Variants in EPHA6 observed in about 807,000 individuals in gnomAD.
EPHA6 encodes ephrin type-A receptor 6.
In EPHA6, 50 loss-of-function variants were observed where a neutral mutation model predicts 112.0. The ratio of observed to expected loss-of-function variants is 0.45; its 90% CI spans 0.36 to 0.56. EPHA6 has a LOEUF of 0.56. Ranked by LOEUF, EPHA6 falls within the 20% of genes least tolerant of loss-of-function variation. The pLI, the probability that EPHA6 is intolerant of heterozygous loss-of-function variation, is 0.00. For missense variants in EPHA6, 1,280 were observed against 1,417.4 expected, an observed-to-expected ratio of 0.90 and a Z score of 1.56; for synonymous variants, 529 against 490.7, an observed-to-expected ratio of 1.08 and a Z score of -1.03.
intron 11 of EPHA6, among the ~76,000 whole-genome samples, chr3:97,568,621 C>T (rs2093298127): frequency 6.6e-6 from 1 of 152,176 alleles, no homozygotes; most frequent in South Asian, 2.1e-4. Flanking sequence ...AAACTATTGC[C>T]CTTTTTAGGT....
chr3:97,311,518 A>T (rs2081561966), intron 5 of EPHA6, among the ~76,000 whole-genome samples: 1 of 151,536 alleles, frequency 6.6e-6, no homozygotes, highest in Non-Finnish European at 1.5e-5. Flanking sequence ...TTGTATGCAG[A>T]TATCAAGTTG....
intron 10 of EPHA6, 72 bp downstream of exon 10, chr3:97,484,131 T>C: frequency 1.4e-6 from 2 of 1,388,832 alleles, no homozygotes; most frequent in Non-Finnish European, 1.9e-6. Flanking sequence ...CAACATACTA[T>C]CTTAAATCTT....
intron 2 of EPHA6, among the ~76,000 whole-genome samples, chr3:96,945,816 G>C (rs1265822856): frequency 1.3e-5 from 2 of 152,032 alleles, no homozygotes; most frequent in East Asian, 3.9e-4. Flanking sequence ...TGTTACAGTC[G>C]ATGAGCCTAC....
chr3:97,483,975 T>C lies in EPHA6; in HGVS notation c.2116T>C (p.Tyr706His), dbSNP rs1160751918. ...GIKTYIDPDTYEDPSLAVHEF... is the reference protein window; with the variant it reads ...GIKTYIDPDTHEDPSLAVHEF... ...TAAAACTTACATTGATCCAGATACA[T>C]ATGAAGACCCATCCCTAGCAGTCCA... is the stretch of plus-strand genomic sequence containing the variant. Residue 706 changes from tyrosine (Y) to histidine (H), a missense_variant, in exon 10 of 18, where the codon TAT (tyrosine) becomes CAT (histidine). Physicochemically the swap from Tyr to His is moderately conservative, Grantham distance 83. Transcript: ENST00000389672. The C allele has an allele frequency of 6.2e-7, 1 of 1,609,328 alleles. No homozygotes were observed. Among genetic ancestry groups the C allele is most frequent in the African/African-American group, 1.3e-5 (1 of 74,910 alleles).
chr3:97,670,150 C>T (rs2030657226), intron 14 of EPHA6, among the ~76,000 whole-genome samples: 1 of 152,144 alleles, frequency 6.6e-6, no homozygotes, highest in Non-Finnish European at 1.5e-5. Flanking sequence ...TGACCTGACC[C>T]ATTTGCTGGG....
At chr3:97,199,119 C>G (rs927511365) in intron 3 of EPHA6, among the ~76,000 whole-genome samples, 2 of 152,128 alleles carry the variant, frequency 1.3e-5, no homozygotes, top group East Asian at 3.9e-4. Context: ...GGAGACTTCT[C>G]CTAGCTTCTT....
At chr3:97,400,786 A>G (rs1425233451) in intron 5 of EPHA6, among the ~76,000 whole-genome samples, 1 of 151,564 alleles carries the variant, frequency 6.6e-6, no homozygotes, top group Non-Finnish European at 1.5e-5. Context: ...GCTTTTCTGA[A>G]TTTGTTTATT....
At chr3:97,559,312 G>C (rs1386114538) in intron 11 of EPHA6, among the ~76,000 whole-genome samples, 1 of 152,006 alleles carries the variant, frequency 6.6e-6, no homozygotes, top group Non-Finnish European at 1.5e-5. Context: ...ATATGAATTG[G>C]CATTGATAAT....
chr3:97,443,409 T>C (rs1188420545), intron 6 of EPHA6, among the ~76,000 whole-genome samples: 2 of 145,604 alleles, frequency 1.4e-5, no homozygotes, highest in East Asian at 4.0e-4. Flanking sequence ...TACATATTAA[T>C]AGCACTTGGA....
chr3:97,308,084 T>C (rs2081395581), intron 5 of EPHA6, among the ~76,000 whole-genome samples: 1 of 151,716 alleles, frequency 6.6e-6, no homozygotes, highest in Non-Finnish European at 1.5e-5. Context: ...TATTCATTAA[T>C]GCTTCCAAAA....
chr3:96,863,419 T>G (rs1182108160), intron 1 of EPHA6, among the ~76,000 whole-genome samples: 1 of 151,978 alleles, frequency 6.6e-6, no homozygotes, highest in East Asian at 1.9e-4. Flanking sequence ...ATGATAAAAT[T>G]AAAATATTTA....
chr3:97,050,853 A>G (rs2045663400), intron 3 of EPHA6, among the ~76,000 whole-genome samples: 1 of 152,220 alleles, frequency 6.6e-6, no homozygotes, highest in South Asian at 2.1e-4. Context: ...ATAAAATTCT[A>G]TATTTCAGGC....
At chr3:97,417,603 T>G (rs904022603) in intron 6 of EPHA6, among the ~76,000 whole-genome samples, 1 of 151,946 alleles carries the variant, frequency 6.6e-6, no homozygotes, top group African/African-American at 2.4e-5. Flanking sequence ...AGGACTTGCC[T>G]TCTCTTGTCC....
chr3:97,334,094 G>A (rs1215129710), intron 5 of EPHA6, among the ~76,000 whole-genome samples: 1 of 151,870 alleles, frequency 6.6e-6, no homozygotes, highest in Non-Finnish European at 1.5e-5. Flanking sequence ...TGATATAGTC[G>A]GTTATAGTGT....
intron 2 of EPHA6, among the ~76,000 whole-genome samples, chr3:96,974,705 G>A (rs772726718): frequency 7.9e-5 from 12 of 151,454 alleles, no homozygotes; most frequent in Non-Finnish European, 1.8e-4. Context: ...CTTTTTTTTG[G>A]ATCAAGGAAT....
chr3:97,294,552 ATT>A (rs1368117640), intron 5 of EPHA6, among the ~76,000 whole-genome samples: 2 of 151,982 alleles, frequency 1.3e-5, no homozygotes, highest in Non-Finnish European at 2.9e-5. Context: ...TACTTCTGTT[ATT>A]TTGTTAATTG....
At chr3:97,187,894 T>G (rs2077199271) in intron 3 of EPHA6, among the ~76,000 whole-genome samples, 1 of 152,006 alleles carries the variant, frequency 6.6e-6, no homozygotes, top group African/African-American at 2.4e-5. Context: ...AGTAATTATA[T>G]AATCTTTTAC....
chr3:97,259,383 A>C (rs962934852), intron 5 of EPHA6, among the ~76,000 whole-genome samples: 1 of 152,084 alleles, frequency 6.6e-6, no homozygotes, highest in African/African-American at 2.4e-5. Flanking sequence ...TTTTATCATA[A>C]ATGTATTTCT....
At chr3:97,114,659 G>C (rs919812841) in intron 3 of EPHA6, among the ~76,000 whole-genome samples, 1 of 152,022 alleles carries the variant, frequency 6.6e-6, no homozygotes, top group Non-Finnish European at 1.5e-5. Flanking sequence ...GAGCTGTATA[G>C]CTTATCATAA....
Sources: allele counts gnomAD v4.1 joint callset (sites outside exome capture counted in the v4.1 genomes callset), GRCh38; gene constraint gnomAD v4.1.1; transcripts MANE v1.5; gene names NCBI Gene and HGNC (gene_info 2026-07-23, HGNC 2026-07-21).